The following GLRB variants were observed in gnomAD, a reference collection of about 807,000 sequenced individuals.
GLRB encodes glycine receptor beta.
GLRB carries 33 observed loss-of-function variants against 54.2 expected under a neutral mutation model. That is an observed-to-expected ratio of 0.61 (90% CI 0.46 to 0.81). The LOEUF (loss-of-function observed/expected upper bound fraction) is 0.81, where lower values mean the gene tolerates loss of function less well. Ranked by LOEUF, GLRB falls within the 40% of genes least tolerant of loss-of-function variation. GLRB has a pLI of 0.00. For synonymous variants in GLRB, 209 were observed against 208.2 expected (o/e 1.00, Z -0.03); for missense variants, 572 against 584.6 (o/e 0.98, Z 0.22).
intron 7 of GLRB, 25 bp downstream of exon 7, chr4:157,138,974 C>T (rs772801998): frequency 3.1e-5 from 38 of 1,229,998 alleles, no homozygotes; most frequent in African/African-American, 1.0e-4. Flanking sequence ...TTAAATAAAA[C>T]GAAGTTCTAT....
At chr4:157,079,425 A>G (rs1437494214) in intron 2 of GLRB, among the ~76,000 whole-genome samples, 1 of 152,202 alleles carries the variant, frequency 6.6e-6, no homozygotes, top group Non-Finnish European at 1.5e-5. Flanking sequence ...AGGTGTTTGT[A>G]TGAATTTGTG....
Position 157,112,054 on chromosome 4 carries a change from T to G in GLRB, c.123-8502T>G, listed in dbSNP as rs1434247258. 2.0e-5 allele frequency among the ~76,000 whole-genome samples: 3 copies of G among 151,780 alleles called. No individual in the cohort carries two copies. The East Asian group carries it at 5.8e-4, about 30-fold the overall frequency. On this transcript the variant is annotated intron_variant, in intron 2 of 9. Coordinates refer to ENST00000264428, the MANE Select transcript of GLRB (RefSeq NM_000824.5). ...CTATCTGCTTATTAAATATTGCAAT[T>G]CCTCACATTTCAATTCCATGTCTTT...
At chr4:157,113,974 G>A (rs1473983395) in intron 2 of GLRB, among the ~76,000 whole-genome samples, 3 of 151,744 alleles carry the variant, frequency 2.0e-5, no homozygotes, top group Non-Finnish European at 4.4e-5. Context: ...GGATAAGTAG[G>A]AAAATACAAA....
At chr4:157,080,017 C>A (rs992222374) in intron 2 of GLRB, among the ~76,000 whole-genome samples, 1 of 152,056 alleles carries the variant, frequency 6.6e-6, no homozygotes. Context: ...TCAAATTATT[C>A]TGAAGATGGC....
In GLRB at chr4:157,120,496, T is replaced by C. The variant is rs557572957; in HGVS notation, c.123-60T>C. 2.2e-5 allele frequency: 18 copies of C among 826,538 alleles called. No individual in the cohort carries two copies. In the African/African-American group the frequency reaches 2.9e-4, roughly 13 times the overall value. The allele number at this position is 826,538 out of a possible 1,614,324, so 51.2% of individuals were successfully genotyped here. A position where few individuals can be genotyped will look rare whatever the true frequency, so the allele number is the denominator to read the frequency against. On this transcript the variant is annotated intron_variant, in intron 2 of 9. Transcript: ENST00000264428. ...GGCAGTCTTTCCTCCCAATGAGAAT[T>C]ACCCATTTCTGTTGTTTGCTATTTA...
At chr4:157,086,665 T>C (rs898590222) in intron 2 of GLRB, among the ~76,000 whole-genome samples, 1 of 152,132 alleles carries the variant, frequency 6.6e-6, no homozygotes, top group African/African-American at 2.4e-5. Context: ...AGTTATCGAA[T>C]TAAGACCAAA....
rs966243580 is a variant in GLRB at position 157,171,682 on chromosome 4, T to C, written c.*954T>C. Reference sequence around the variant, plus strand: ...TTTTTATTTTATTAAAATGCTTGCATATTTTAAGTAAAATTAAAAATGTTT... The same window carrying C: ...TTTTTATTTTATTAAAATGCTTGCACATTTTAAGTAAAATTAAAAATGTTT... On this transcript the variant is annotated 3_prime_UTR_variant, in exon 10 of 10. Transcript: ENST00000264428. 2.0e-5 allele frequency: 3 copies of C among 152,296 alleles called. No homozygotes were observed. The highest frequency in any genetic ancestry group is 4.4e-5 in the Non-Finnish European group (3 of 67,854). The allele number at this position is 152,296 out of a possible 1,614,324, so 9.4% of individuals were successfully genotyped here.
chr4:157,131,159 G>A (rs966806751), intron 4 of GLRB, among the ~76,000 whole-genome samples: 2 of 151,668 alleles, frequency 1.3e-5, no homozygotes, highest in African/African-American at 4.8e-5. Flanking sequence ...AGAATCACAG[G>A]CACTAAGGTG....
intron 2 of GLRB, among the ~76,000 whole-genome samples, chr4:157,081,408 G>T (rs1329689489): frequency 2.0e-5 from 3 of 152,108 alleles, no homozygotes; most frequent in African/African-American, 7.2e-5. Context: ...ATTTCAACTT[G>T]ACCGTCCCGT....
rs140556379 is a variant in GLRB at position 157,159,261 on chromosome 4, A to G, written c.1197+6251A>G. ...GACAATGGGGTTTTCTAAATATACA[A>G]TCATGTCATCTGCAAACAGGGACAA... On this transcript the variant is annotated intron_variant, in intron 9 of 9. Coordinates refer to ENST00000264428, the MANE Select transcript of GLRB (RefSeq NM_000824.5). Among the ~76,000 whole-genome samples, 1,452 of 152,270 alleles carry G rather than the reference A, an allele frequency of 9.5e-3. 27 individuals carry two copies. Among genetic ancestry groups the G allele is most frequent in the African/African-American group, 0.033 (1,370 of 41,530 alleles).
intron 8 of GLRB, 58 bp from the exon 9 acceptor site, chr4:157,152,659 AC>A: frequency 7.7e-7 from 1 of 1,298,924 alleles, no homozygotes. Context: ...AAGAGTAATG[AC>A]CCCAGAACAT....
chr4:157,166,423 T>C (rs1737710366), intron 9 of GLRB, among the ~76,000 whole-genome samples: 1 of 152,086 alleles, frequency 6.6e-6, no homozygotes, highest in African/African-American at 2.4e-5. Flanking sequence ...CTTTCATGTA[T>C]ATATTTGATA....
chr4:157,168,282 AG>A (rs1328519435), intron 9 of GLRB, among the ~76,000 whole-genome samples: 4 of 152,132 alleles, frequency 2.6e-5, no homozygotes, highest in Admixed American at 6.5e-5. Flanking sequence ...AAGTGGAGTG[AG>A]GGGGTGCAGA....
chr4:157,124,399 T>G (rs181402708), intron 4 of GLRB, among the ~76,000 whole-genome samples: 149 of 151,932 alleles, frequency 9.8e-4, no homozygotes, highest in African/African-American at 3.3e-3. Flanking sequence ...ATTAAATTAT[T>G]TTTGTGTGTA....
At chr4:157,080,832 G>A (rs907824619) in intron 2 of GLRB, among the ~76,000 whole-genome samples, 2 of 151,806 alleles carry the variant, frequency 1.3e-5, no homozygotes, top group African/African-American at 2.4e-5. Flanking sequence ...CAATGTGGGT[G>A]CATAGACATA....
intron 2 of GLRB, among the ~76,000 whole-genome samples, chr4:157,099,394 T>A (rs899082760): frequency 1.3e-5 from 2 of 151,496 alleles, no homozygotes; most frequent in African/African-American, 4.9e-5. Context: ...TGGAGTACAG[T>A]GAAACAATCT....
chr4:157,125,423 A>G (rs976068913), intron 4 of GLRB, among the ~76,000 whole-genome samples: 3 of 151,976 alleles, frequency 2.0e-5, no homozygotes, highest in Non-Finnish European at 4.4e-5. Context: ...AAGTTACAAA[A>G]TTAAAACAAC....
At chr4:157,114,092 A>G (rs546314322) in intron 2 of GLRB, among the ~76,000 whole-genome samples, 2 of 152,094 alleles carry the variant, frequency 1.3e-5, no homozygotes, top group South Asian at 4.1e-4. Context: ...TTGTATGTCT[A>G]TTTATCTGAT....
intron 9 of GLRB, among the ~76,000 whole-genome samples, chr4:157,154,312 A>G (rs867826598): frequency 6.6e-6 from 1 of 151,514 alleles, no homozygotes; most frequent in Non-Finnish European, 1.5e-5. Flanking sequence ...TTGAATTGGT[A>G]TATTTAGATC....
Sources: allele counts gnomAD v4.1 joint callset (sites outside exome capture counted in the v4.1 genomes callset), GRCh38; gene constraint gnomAD v4.1.1; transcripts MANE v1.5; gene names NCBI Gene and HGNC (gene_info 2026-07-23, HGNC 2026-07-21).